DSG2: variants seen among roughly 807,000 people sequenced by gnomAD.
DSG2 encodes desmoglein 2.
A neutral mutation model predicts 75.6 loss-of-function variants in DSG2; 45 were observed. That is an observed-to-expected ratio of 0.60 (90% CI 0.47 to 0.76). The LOEUF is 0.76. Among genes scored for constraint, DSG2 ranks in the 30% least tolerant of loss-of-function variants. DSG2 has a pLI of 0.00. For synonymous variants in DSG2, 429 were observed against 483.9 expected (o/e 0.89, Z 1.49); for missense variants, 1,267 against 1,357.4 (o/e 0.93, Z 1.05).
In DSG2 at chr18:31,542,831, C is replaced by T; in HGVS notation, c.2313C>T (p.Phe771=). Residue 771 remains phenylalanine, a synonymous_variant, in exon 14 of 15, where the codon TTC becomes TTT. Coordinates refer to ENST00000261590, the MANE Select transcript of DSG2 (RefSeq NM_001943.5). ...CTGCTGTTGCACTGAACGAAGAATT[C>T]TTAAGAAATTATTTCACTGATGTAA... The part of the protein sequence containing the change: ...QAAAVALNEE[F]LRNYFTDKAA... 1 of 1,376,234 alleles carries T rather than the reference C, an allele frequency of 7.3e-7. No individual in the cohort carries two copies. Among genetic ancestry groups the T allele is most frequent in the South Asian group, 1.4e-5 (1 of 72,500 alleles). 85.3% of individuals were successfully genotyped at this position (1,376,234 alleles called of 1,614,324 possible).
At chr18:31,512,021 C>CTT (rs1755688572) in intron 1 of DSG2, among the ~76,000 whole-genome samples, 1 of 152,198 alleles carries the variant, frequency 6.6e-6, no homozygotes, top group Admixed American at 6.5e-5. Flanking sequence ...TACAAAACCT[C>CTT]TAATATGCAT....
intron 14 of DSG2, among the ~76,000 whole-genome samples, 157 bp from the exon 15 acceptor site, chr18:31,545,564 G>A (rs549776572): frequency 1.5e-4 from 23 of 151,964 alleles, no homozygotes; most frequent in East Asian, 9.6e-4. Context: ...CAGTTGTGTC[G>A]TAGGATCTCT....
chr18:31,531,169 G>A lies in DSG2; in HGVS notation c.1197G>A (p.Glu399=). Residue 399 remains glutamate (E), a synonymous_variant, in exon 9 of 15, where the codon GAG becomes GAA. Coordinates refer to ENST00000261590, the MANE Select transcript of DSG2 (RefSeq NM_001943.5). ...KSSVISIYVS[E]SMDRSSKGQI... ...GCGTCATCTCAATTTATGTTAGCGA[G>A]AGCATGGATAGATCAAGCAAAGGCC... 6.2e-7 allele frequency: 1 copy of A among 1,614,190 alleles called. No homozygotes were observed. The highest frequency in any genetic ancestry group is 8.5e-7 in the Non-Finnish European group (1 of 1,180,026).
At chr18:31,500,521 G>A (rs930028901) in intron 1 of DSG2, among the ~76,000 whole-genome samples, 8 of 152,080 alleles carry the variant, frequency 5.3e-5, no homozygotes, top group Non-Finnish European at 8.8e-5. Flanking sequence ...TGACTACAAA[G>A]AACCCAGCTC....
rs2073313909 is a variant in DSG2, at chr18:31,546,666, G to C, written c.3280G>C (p.Gly1094Arg). 1.9e-6 allele frequency: 3 copies of C among 1,614,170 alleles called. No homozygotes were observed. The highest frequency in any genetic ancestry group is 2.5e-6 in the Non-Finnish European group (3 of 1,180,024). Residue 1094 changes from glycine (G) to arginine (R), a missense_variant, in exon 15 of 15, where the codon GGT becomes CGT. Gly to Arg is a moderately radical substitution (Grantham distance 125). Coordinates refer to ENST00000261590, the MANE Select transcript of DSG2 (RefSeq NM_001943.5). The part of the protein sequence containing the change: ...PLPDFGLEES[G>R]HSNSTITTSS... ...GCCAGATTTTGGTTTAGAGGAATCT[G>C]GTCATTCTAATTCTACCATAACCAC...
chr18:31,520,287 T>G (rs2073120387), intron 3 of DSG2, among the ~76,000 whole-genome samples: 1 of 152,160 alleles, frequency 6.6e-6, no homozygotes, highest in African/African-American at 2.4e-5. Context: ...TGTCTATTAC[T>G]AGGTAGGGGG....
intron 6 of DSG2, among the ~76,000 whole-genome samples, 165 bp from the exon 7 acceptor site, chr18:31,524,283 G>T (rs915111549): frequency 2.6e-5 from 4 of 152,214 alleles, no homozygotes; most frequent in African/African-American, 7.2e-5. Context: ...TTCTGCAAAA[G>T]CTCTGACTGC....
intron 9 of DSG2, among the ~76,000 whole-genome samples, chr18:31,532,658 T>C (rs534416289): frequency 1.3e-5 from 2 of 152,302 alleles, no homozygotes; most frequent in East Asian, 3.9e-4. Flanking sequence ...TTGGTGACAT[T>C]CTTTGGCCCA....
intron 12 of DSG2, among the ~76,000 whole-genome samples, chr18:31,539,189 T>A (rs2073251060): frequency 6.6e-6 from 1 of 152,218 alleles, no homozygotes; most frequent in African/African-American, 2.4e-5. Context: ...TGTATATCCT[T>A]TTCTGGTTTC....
intron 1 of DSG2, among the ~76,000 whole-genome samples, chr18:31,513,104 G>A (rs2073075720): frequency 6.6e-6 from 1 of 152,178 alleles, no homozygotes; most frequent in Non-Finnish European, 1.5e-5. Flanking sequence ...CTAGTTAGGT[G>A]GCTTTCAGAT....
In DSG2 at chr18:31,522,209, C is replaced by T. The variant is rs776720174; in HGVS notation, c.650C>T (p.Thr217Ile). ...CCAGTGTTCTACCTAAATAAAGATA[C>T]AGGAGAGATTTATACAACCAGTGTT... ...YPPVFYLNKD[T>I]GEIYTTSVTL... Residue 217 changes from threonine (T) to isoleucine (I), a missense_variant, in exon 6 of 15, where the codon ACA becomes ATA. Physicochemically the swap from Thr to Ile is moderately conservative, Grantham distance 89. Transcript: ENST00000261590. 6.8e-6 allele frequency: 11 copies of T among 1,613,764 alleles called. No homozygotes were observed. The Middle Eastern group carries it at 1.2e-3, about 170-fold the overall frequency.
intron 6 of DSG2, 91 bp downstream of exon 6, chr18:31,522,340 C>T (rs1457571127): frequency 3.1e-6 from 4 of 1,277,576 alleles, no homozygotes; most frequent in African/African-American, 1.5e-5. Context: ...TTATTTTGTT[C>T]TGTATTCCTT....
At chr18:31,516,183 G>T (rs957771595) in intron 1 of DSG2, among the ~76,000 whole-genome samples, 2 of 152,100 alleles carry the variant, frequency 1.3e-5, no homozygotes, top group Non-Finnish European at 2.9e-5. Flanking sequence ...TATTTGGTTT[G>T]CCAATCAGAA....
At chr18:31,529,570 G>T (rs2073182114) in intron 8 of DSG2, among the ~76,000 whole-genome samples, 1 of 152,132 alleles carries the variant, frequency 6.6e-6, no homozygotes, top group South Asian at 2.1e-4. Context: ...GGGTGCAGAA[G>T]TTGTGATCCA....
At chr18:31,516,685 G>A (rs1392843266) in intron 1 of DSG2, among the ~76,000 whole-genome samples, 2 of 152,218 alleles carry the variant, frequency 1.3e-5, no homozygotes, top group African/African-American at 2.4e-5. Flanking sequence ...GAGCATGAAT[G>A]TGTAAGGGAT....
At chr18:31,541,495 T>C (rs2073267859) in intron 13 of DSG2, among the ~76,000 whole-genome samples, 181 bp downstream of exon 13, 1 of 152,244 alleles carries the variant, frequency 6.6e-6, no homozygotes, top group African/African-American at 2.4e-5. Context: ...TGGGGCAGAA[T>C]TGAGATAGTT....
intron 14 of DSG2, among the ~76,000 whole-genome samples, chr18:31,545,443 G>A (rs2073297888): frequency 6.6e-6 from 1 of 151,986 alleles, no homozygotes; most frequent in Non-Finnish European, 1.5e-5. Flanking sequence ...TTTTTCTCAG[G>A]ATCCTGCATT....
At chr18:31,544,582 T>C (rs1434249573) in intron 14 of DSG2, among the ~76,000 whole-genome samples, 1 of 151,894 alleles carries the variant, frequency 6.6e-6, no homozygotes, top group Non-Finnish European at 1.5e-5. Context: ...CAGAAATCAA[T>C]GAAATATTTA....
chr18:31,522,764 G>C (rs1453289451), intron 6 of DSG2, among the ~76,000 whole-genome samples: 2 of 152,122 alleles, frequency 1.3e-5, no homozygotes, highest in Non-Finnish European at 2.9e-5. Flanking sequence ...ACATTAGGAG[G>C]CTCCTCCACG....
Sources: allele counts gnomAD v4.1 joint callset (sites outside exome capture counted in the v4.1 genomes callset), GRCh38; gene constraint gnomAD v4.1.1; transcripts MANE v1.5; gene names NCBI Gene and HGNC (gene_info 2026-07-23, HGNC 2026-07-21).